Variants in TSPAN1 observed in about 807,000 individuals in gnomAD.
The protein encoded by TSPAN1 is tetraspanin 1.
In TSPAN1, 23 loss-of-function variants were observed where a neutral mutation model predicts 26.9. The observed-to-expected ratio is 0.85, with a 90% CI of 0.62 to 1.21. TSPAN1 has a LOEUF of 1.21. Among genes scored for constraint, TSPAN1 ranks in the 50% most tolerant of loss-of-function variants. The pLI is 0.00. For synonymous variants in TSPAN1, 115 were observed against 114.8 expected, an observed-to-expected ratio of 1.00 and a Z score of -0.01; for missense variants, 283 against 298.4, an observed-to-expected ratio of 0.95 and a Z score of 0.38.
At chr1:46,189,544 A>G (rs372423310), downstream of TSPAN1, 9 of 1,612,762 alleles carry the variant, frequency 5.6e-6, no homozygotes, top group Non-Finnish European at 6.8e-6. Context: ...TGCCACGCAC[A>G]TCCAGGTCCC....
At chr1:46,176,808 C>T (rs1229507414) in intron 1 of TSPAN1, among the ~76,000 whole-genome samples, 3 of 152,182 alleles carry the variant, frequency 2.0e-5, no homozygotes, top group Non-Finnish European at 4.4e-5. Flanking sequence ...AGCACTTTAC[C>T]AACGTTATCT....
the TSPAN1 span, chr1:46,195,005 A>C: frequency 6.3e-7 from 1 of 1,585,892 alleles, no homozygotes; most frequent in Non-Finnish European, 8.7e-7. Context: ...GCATGGTTCC[A>C]GGAGACCTGG....
At chr1:46,178,372 A>G (rs1571634694) in intron 1 of TSPAN1, among the ~76,000 whole-genome samples, 1 of 147,902 alleles carries the variant, frequency 6.8e-6, no homozygotes, top group Non-Finnish European at 1.5e-5. Flanking sequence ...AAAAAAATAG[A>G]CCTTCTCCTT....
the TSPAN1 span, chr1:46,196,043 C>T: frequency 6.2e-7 from 1 of 1,614,034 alleles, no homozygotes; most frequent in Non-Finnish European, 8.5e-7. This position sits in a 1 kb window ranked among gnomAD's most constrained non-coding sequence, Gnocchi z 4.4. Flanking sequence ...GACATGGATG[C>T]CCCGGCCCTG....
the TSPAN1 span, chr1:46,191,933 C>A: frequency 8.4e-7 from 1 of 1,195,424 alleles, no homozygotes; most frequent in Non-Finnish European, 1.2e-6. Context: ...CGCGCCCAGC[C>A]CTTTATCCTC....
chr1:46,195,625 T>C, the TSPAN1 span: 1 of 680,498 alleles, frequency 1.5e-6, no homozygotes, highest in South Asian at 1.6e-5. Flanking sequence ...GAGAAGTACC[T>C]GGCATACAGC....
the TSPAN1 span, chr1:46,194,835 T>C: frequency 1.2e-6 from 2 of 1,614,126 alleles, no homozygotes; most frequent in South Asian, 1.1e-5. Flanking sequence ...TGGCCTCTGA[T>C]GCCGGCACCT....
downstream of TSPAN1, chr1:46,189,388 A>G: frequency 6.2e-7 from 1 of 1,614,088 alleles, no homozygotes; most frequent in Non-Finnish European, 8.5e-7. Context: ...TGTATAGAGA[A>G]GAAGCCATTA....
At chr1:46,189,495 G>A (rs1411348760), downstream of TSPAN1, 1 of 1,613,526 alleles carries the variant, frequency 6.2e-7, no homozygotes, top group Admixed American at 1.7e-5. Flanking sequence ...ATCAGGAAGT[G>A]GTTCTTCTTC....
chr1:46,187,671 T>A (rs1252101243), downstream of TSPAN1, among the ~76,000 whole-genome samples: 3 of 152,244 alleles, frequency 2.0e-5, no homozygotes, highest in African/African-American at 7.2e-5. Context: ...TGTGCCTGTG[T>A]GGAGGCTGCA....
chr1:46,187,734 C>T (rs1366014966), downstream of TSPAN1, among the ~76,000 whole-genome samples: 1 of 152,240 alleles, frequency 6.6e-6, no homozygotes, highest in Non-Finnish European at 1.5e-5. Context: ...CTAATTGCTG[C>T]TCAACCTGGC....
the TSPAN1 span, chr1:46,193,691 T>C: frequency 0.35 from 570,103 of 1,611,040 alleles, 102,772 homozygotes; most frequent in South Asian, 0.45. Context: ...TCAACTCAGG[T>C]TCCCCTGTGT....
At chr1:46,185,404 G>T in intron 8 of TSPAN1, 82 bp from the exon 9 acceptor site, 7 of 1,606,992 alleles carry the variant, frequency 4.4e-6, no homozygotes, top group Non-Finnish European at 6.0e-6. Context: ...ACTTCTAACT[G>T]GGCCTCAGGT....
chr1:46,190,393 G>T, downstream of TSPAN1: 2 of 1,497,822 alleles, frequency 1.3e-6, no homozygotes, highest in South Asian at 1.1e-5. Flanking sequence ...TTTTGCACAG[G>T]ACCCTGTAAA....
chr1:46,189,480 C>T (rs770656536), downstream of TSPAN1: 7 of 1,613,518 alleles, frequency 4.3e-6, no homozygotes, highest in Non-Finnish European at 5.1e-6. Flanking sequence ...GCCGGGACCC[C>T]CACCATCAGG....
intron 1 of TSPAN1, among the ~76,000 whole-genome samples, chr1:46,177,381 A>ATCT (rs1657204782): frequency 2.6e-5 from 4 of 151,878 alleles, no homozygotes; most frequent in East Asian, 3.9e-4. Flanking sequence ...CTATCTATCT[A>ATCT]ACTATCTATC....
Position 46,184,896 on chromosome 1 carries a change from G to A in TSPAN1, c.438+13G>A. The A allele has an allele frequency of 1.9e-6, 3 of 1,614,170 alleles. No individual in the cohort carries two copies. Among genetic ancestry groups the A allele is most frequent in the Non-Finnish European group, 2.5e-6 (3 of 1,180,020 alleles). ...CACCATGAAAGGGGTAAGGTTGGCT[G>A]GGGGAGGTTTTAGGGTGGAGAGAAA... On this transcript the variant is annotated intron_variant, in intron 6 of 8. Transcript: ENST00000372003.
chr1:46,182,464 C>T (rs1657335835), intron 3 of TSPAN1, among the ~76,000 whole-genome samples: 1 of 151,974 alleles, frequency 6.6e-6, no homozygotes, highest in Non-Finnish European at 1.5e-5. Context: ...AATCCCAGCA[C>T]TCTGGGAAGC....
the TSPAN1 span, chr1:46,194,782 C>T: frequency 6.2e-7 from 1 of 1,613,500 alleles, no homozygotes. Flanking sequence ...ACCCCATCTC[C>T]TAGGGTTCTG....
Sources: allele counts gnomAD v4.1 joint callset (sites outside exome capture counted in the v4.1 genomes callset), GRCh38; gene constraint gnomAD v4.1.1; non-coding constraint Gnocchi (gnomAD v3.1); transcripts MANE v1.5; gene names NCBI Gene and HGNC (gene_info 2026-07-23, HGNC 2026-07-21).